Variants in OCA2 observed in about 807,000 individuals in gnomAD.
OCA2 encodes OCA2 melanosomal transmembrane protein.
A neutral mutation model predicts 100.2 loss-of-function variants in OCA2; 77 were observed. That is an observed-to-expected ratio of 0.77 (90% confidence interval 0.64 to 0.93). The LOEUF (loss-of-function observed/expected upper bound fraction) is 0.93. Ranked by LOEUF, OCA2 falls within the 40% of genes least tolerant of loss-of-function variation. The probability of loss-of-function intolerance (pLI) is 0.00; values close to 1 mark genes in which losing one functional copy is unlikely to be tolerated. For missense variants in OCA2, 1,062 were observed against 1,089.1 expected, an observed-to-expected ratio of 0.98 and a Z score of 0.35; for synonymous variants, 432 against 439.2, an observed-to-expected ratio of 0.98 and a Z score of 0.21.
chr15:27,844,187 G>T (rs2035447906), intron 23 of OCA2, among the ~76,000 whole-genome samples: 1 of 152,088 alleles, frequency 6.6e-6, no homozygotes, highest in African/African-American at 2.4e-5. Context: ...TACTCTGCAG[G>T]CATCCGCTGG....
intron 23 of OCA2, among the ~76,000 whole-genome samples, chr15:27,788,109 T>C (rs2032904655): frequency 6.6e-6 from 1 of 152,086 alleles, no homozygotes; most frequent in South Asian, 2.1e-4. Context: ...TTTCAGTCTT[T>C]GTAAATGTAT....
intron 7 of OCA2, among the ~76,000 whole-genome samples, chr15:28,016,438 T>C (rs1042384656): frequency 6.6e-6 from 1 of 152,182 alleles, no homozygotes; most frequent in African/African-American, 2.4e-5. Flanking sequence ...AGAATTAGTG[T>C]ACAAAAGTAC....
At chr15:28,016,605 C>T (rs2042401377) in intron 7 of OCA2, among the ~76,000 whole-genome samples, 1 of 152,076 alleles carries the variant, frequency 6.6e-6, no homozygotes, top group South Asian at 2.1e-4. Context: ...AGAGCAAGAC[C>T]CCTGTCTGCA....
intron 18 of OCA2, among the ~76,000 whole-genome samples, chr15:27,932,581 A>C (rs532159913): frequency 6.6e-6 from 1 of 152,334 alleles, no homozygotes; most frequent in South Asian, 2.1e-4. Flanking sequence ...CAAAACTTTC[A>C]GCTTGTGCTG....
At chr15:28,089,909 G>C (rs2044843760) in intron 1 of OCA2, among the ~76,000 whole-genome samples, 2 of 152,104 alleles carry the variant, frequency 1.3e-5, no homozygotes, top group African/African-American at 4.8e-5. Flanking sequence ...ACATGCCTTT[G>C]TAACAACCTG....
intron 19 of OCA2, among the ~76,000 whole-genome samples, chr15:27,887,309 C>A (rs1005679204): frequency 6.6e-6 from 1 of 151,412 alleles, no homozygotes; most frequent in Non-Finnish European, 1.5e-5. Flanking sequence ...TTTCATCCCT[C>A]AAAATCAGCA....
At chr15:27,731,638 C>T in the OCA2 span, among the ~76,000 whole-genome samples, 1 of 152,212 alleles carries the variant, frequency 6.6e-6, no homozygotes, top group East Asian at 1.9e-4. Context: ...TCATTCTTCA[C>T]TCTCTTGTAC....
intron 4 of OCA2, 94 bp downstream of exon 4, chr15:28,027,777 T>C: frequency 7.5e-7 from 1 of 1,328,502 alleles, no homozygotes; most frequent in Non-Finnish European, 1.1e-6. Flanking sequence ...CTCATCCTCT[T>C]CTTCACGCTG....
At chr15:27,803,611 G>A (rs1020048227) in intron 23 of OCA2, among the ~76,000 whole-genome samples, 1 of 152,184 alleles carries the variant, frequency 6.6e-6, no homozygotes, top group Non-Finnish European at 1.5e-5. Flanking sequence ...TGTTTAAGGG[G>A]TACAGGCTTT....
the OCA2 span, among the ~76,000 whole-genome samples, chr15:27,744,028 A>G: frequency 6.6e-6 from 1 of 152,292 alleles, no homozygotes; most frequent in Non-Finnish European, 1.5e-5. Flanking sequence ...TCCATAAAGT[A>G]TTGTGAGAAA....
At chr15:27,997,123 G>GAAAA (rs2041764564) in intron 9 of OCA2, among the ~76,000 whole-genome samples, 3 of 70,220 alleles carry the variant, frequency 4.3e-5, no homozygotes, top group South Asian at 3.2e-4. Context: ...AAGGAAGGAA[G>GAAAA]GAAGGAAGAA....
chr15:27,922,609 T>C (rs1210000015), intron 19 of OCA2, among the ~76,000 whole-genome samples: 1 of 152,078 alleles, frequency 6.6e-6, no homozygotes. Context: ...TTTATAGGAG[T>C]AAATAAGATA....
At chr15:28,049,047 C>A (rs183256725) in intron 2 of OCA2, among the ~76,000 whole-genome samples, 10 of 152,190 alleles carry the variant, frequency 6.6e-5, no homozygotes, top group Admixed American at 2.0e-4. Context: ...GAAACGACAA[C>A]CTATGGAATT....
intron 19 of OCA2, among the ~76,000 whole-genome samples, chr15:27,913,894 AGCAAGC>A (rs1470692611): frequency 0.02 from 571 of 28,636 alleles, 13 homozygotes; most frequent in Middle Eastern, 0.071. Flanking sequence ...AAAGAAAGAA[AGCAAGC>A]AAGCAAGCAA....
At chr15:27,744,664 A>C in the OCA2 span, among the ~76,000 whole-genome samples, 1 of 152,228 alleles carries the variant, frequency 6.6e-6, no homozygotes, top group Non-Finnish European at 1.5e-5. Context: ...AGCCAAAGAC[A>C]GACCCTCTGA....
chr15:27,902,164 G>C (rs990680777), intron 19 of OCA2, among the ~76,000 whole-genome samples: 2 of 151,868 alleles, frequency 1.3e-5, no homozygotes, highest in African/African-American at 4.8e-5. Flanking sequence ...ATTCCTTCCA[G>C]GCACAGAATA....
chr15:28,092,896 A>G (rs929866271), intron 1 of OCA2, among the ~76,000 whole-genome samples: 2 of 152,168 alleles, frequency 1.3e-5, no homozygotes, highest in Non-Finnish European at 2.9e-5. Context: ...TAGAGCTAAC[A>G]TTACGCCTAA....
intron 21 of OCA2, among the ~76,000 whole-genome samples, chr15:27,858,838 T>C (rs547489746): frequency 4.6e-5 from 7 of 152,160 alleles, no homozygotes; most frequent in Admixed American, 3.3e-4. Flanking sequence ...ATTAAAATAA[T>C]ACATAGTATC....
intron 19 of OCA2, among the ~76,000 whole-genome samples, chr15:27,901,323 T>C (rs2037922772): frequency 6.6e-6 from 1 of 152,184 alleles, no homozygotes; most frequent in Non-Finnish European, 1.5e-5. Context: ...GCCCTGCTGC[T>C]GGCAGCTCTC....
Sources: gnomAD v4.1 joint callset for allele counts (sites outside exome capture counted in the v4.1 genomes callset) on GRCh38, gnomAD v4.1.1 for gene constraint, MANE v1.5 for transcripts, NCBI Gene and HGNC (gene_info 2026-07-23, HGNC 2026-07-21) for gene names.